HOMER2: variants seen among roughly 807,000 people sequenced by gnomAD.
HOMER2 encodes the protein homer scaffold protein 2.
In HOMER2, 27 loss-of-function variants were observed where a neutral mutation model predicts 47.0. The ratio of observed to expected loss-of-function variants is 0.57; its 90% CI spans 0.42 to 0.79. HOMER2 has a LOEUF of 0.79. Ranked by LOEUF, HOMER2 falls within the 30% of genes least tolerant of loss-of-function variation. The pLI, the probability that HOMER2 is intolerant of heterozygous loss-of-function variation, is 0.00. For synonymous variants in HOMER2, 161 were observed against 163.8 expected, an observed-to-expected ratio of 0.98 and a Z score of 0.13; for missense variants, 443 against 435.0, an observed-to-expected ratio of 1.02 and a Z score of -0.16.
At chr15:82,855,382 A>AGCT (rs1375490816) in intron 5 of HOMER2, among the ~76,000 whole-genome samples, 1 of 151,846 alleles carries the variant, frequency 6.6e-6, no homozygotes, top group Non-Finnish European at 1.5e-5. Context: ...GAAGAGACAA[A>AGCT]GCTAGGCATG....
chr15:82,873,415 A>T (rs1256447), intron 3 of HOMER2, among the ~76,000 whole-genome samples: 70,451 of 152,070 alleles, frequency 0.46, 16,429 homozygotes, highest in East Asian at 0.62. Flanking sequence ...ACTTCTCTGC[A>T]TATGAAGTGA....
intron 1 of HOMER2, among the ~76,000 whole-genome samples, chr15:82,976,642 A>G (rs992485580): frequency 6.8e-6 from 1 of 148,090 alleles, no homozygotes; most frequent in African/African-American, 2.5e-5. Context: ...GGTTGACTCT[A>G]CAATTAGTAC....
At chr15:82,874,598 G>T (rs1188376060) in intron 3 of HOMER2, among the ~76,000 whole-genome samples, 2 of 152,112 alleles carry the variant, frequency 1.3e-5, no homozygotes, top group Non-Finnish European at 2.9e-5. Flanking sequence ...TTGGAGAAGT[G>T]ACTTGGAGCT....
chr15:82,953,486 C>T (rs774291642), upstream of HOMER2, among the ~76,000 whole-genome samples: 5 of 152,158 alleles, frequency 3.3e-5, no homozygotes, highest in Non-Finnish European at 5.9e-5. Flanking sequence ...GGCACTGGGA[C>T]TAACCTAACC....
chr15:82,925,326 G>A (rs1344925409), intron 1 of HOMER2, among the ~76,000 whole-genome samples: 3 of 152,146 alleles, frequency 2.0e-5, no homozygotes, highest in Non-Finnish European at 4.4e-5. Flanking sequence ...GGCAGGACCT[G>A]GTGCCTCAAC....
chr15:82,860,962 A>T (rs1469566489), intron 4 of HOMER2, among the ~76,000 whole-genome samples: 1 of 146,288 alleles, frequency 6.8e-6, no homozygotes, highest in African/African-American at 2.6e-5. Context: ...AAGATGAGAG[A>T]GAGAGAGAGA....
chr15:82,968,393 T>G (rs1416061588), intron 1 of HOMER2, among the ~76,000 whole-genome samples: 1 of 152,262 alleles, frequency 6.6e-6, no homozygotes. Flanking sequence ...TCTGGATATT[T>G]CAAATACATT....
chr15:82,837,839 G>A (rs1440666081), exon 2 of HOMER2: 1 of 152,324 alleles, frequency 6.6e-6, no homozygotes, highest in Non-Finnish European at 1.5e-5. Flanking sequence ...CCCAGGGCCT[G>A]GGCATGAGGG....
chr15:82,868,523 T>TTTTATATATATATATATATATATATA lies in HOMER2; in HGVS notation c.295-4265_295-4264insTATATATATATATATATATATATAAA, dbSNP rs1453193520. Among the ~76,000 whole-genome samples, 19 of 36,628 alleles carry TTTTATATATATATATATATATATATA rather than the reference T, an allele frequency of 5.2e-4. 1 individual carries two copies. The highest frequency in any genetic ancestry group is 7.5e-4 in the Non-Finnish European group (16 of 21,466). 24.0% of individuals were successfully genotyped at this position (36,628 alleles called of 152,430 possible). On this transcript the variant is annotated intron_variant, in intron 3 of 8. Coordinates refer to ENST00000450735, the MANE Select transcript of HOMER2 (RefSeq NM_004839.4). ...AAGTTATATATATCACTTATTTATT[T>TTTTATATATATATATATATATATATA]TATATATATATATATATATTTTTTT...
chr15:82,859,073 G>A lies in HOMER2; in HGVS notation c.450C>T (p.His150=), dbSNP rs1051936. 6.2e-7 allele frequency: 1 copy of A among 1,613,992 alleles called. No homozygotes were observed. Among genetic ancestry groups the A allele is most frequent in the East Asian group, 2.2e-5 (1 of 44,890 alleles). ...TCAGCTTGTCATTCTCAGACTTCAG[G>A]TGTGTGTTGGCTGGACCGGCGTGAG... ...KASHAGPANT[H]LKSENDKLKI... is the part of the protein sequence containing the mutation. The change falls in exon 5 of 9, where the codon CAC becomes CAT. Residue 150 remains histidine (H), a synonymous_variant. Transcript: ENST00000450735.
chr15:82,906,704 G>C (rs144474096), intron 1 of HOMER2, among the ~76,000 whole-genome samples: 5,659 of 152,162 alleles, frequency 0.037, 342 homozygotes, highest in African/African-American at 0.13. Flanking sequence ...AAAGTGCTAG[G>C]ATTACAGGCG....
chr15:82,867,247 G>A (rs1211054899), intron 3 of HOMER2, among the ~76,000 whole-genome samples: 1 of 151,836 alleles, frequency 6.6e-6, no homozygotes, highest in Non-Finnish European at 1.5e-5. Flanking sequence ...AACTGAGCAT[G>A]TATCAAGCTT....
intron 1 of HOMER2, among the ~76,000 whole-genome samples, chr15:82,979,840 C>G (rs186310049): frequency 6.6e-6 from 1 of 152,186 alleles, no homozygotes; most frequent in East Asian, 1.9e-4. Flanking sequence ...GTTGCAGATG[C>G]CTGTTGGACA....
At chr15:82,928,708 G>C (rs2053918121) in intron 1 of HOMER2, among the ~76,000 whole-genome samples, 1 of 151,836 alleles carries the variant, frequency 6.6e-6, no homozygotes, top group Non-Finnish European at 1.5e-5. Flanking sequence ...ATTTTTGTAA[G>C]ATGCATAAAG....
intron 2 of HOMER2, 101 bp from the exon 3 acceptor site, chr15:82,875,505 TA>T: frequency 8.0e-7 from 1 of 1,254,176 alleles, no homozygotes; most frequent in Non-Finnish European, 1.1e-6. Flanking sequence ...TTCAAGCCTG[TA>T]TCCTCTGCCC....
chr15:82,850,879 G>A (rs2051368756), intron 8 of HOMER2, among the ~76,000 whole-genome samples: 2 of 152,086 alleles, frequency 1.3e-5, no homozygotes, highest in African/African-American at 4.8e-5. Context: ...CCCCCACCAG[G>A]GATCTGCAAG....
intron 1 of HOMER2, among the ~76,000 whole-genome samples, chr15:82,963,720 T>C (rs1363246272): frequency 5.3e-5 from 8 of 152,318 alleles, no homozygotes. Flanking sequence ...CTGACCTAGC[T>C]GCCTGGAGCT....
At chr15:82,846,312 C>G (rs1280411899), downstream of HOMER2, 1 of 152,208 alleles carries the variant, frequency 6.6e-6, no homozygotes, top group East Asian at 1.9e-4. Flanking sequence ...ATCATTTTAA[C>G]CAACTTTCTT....
exon 2 of HOMER2, chr15:82,840,788 A>G: frequency 7.6e-6 from 1 of 130,892 alleles, no homozygotes; most frequent in East Asian, 2.2e-4. Context: ...GTTTGAAGAA[A>G]ATAATGAGCA....
Sources: gnomAD v4.1 joint callset for allele counts (sites outside exome capture counted in the v4.1 genomes callset) on GRCh38, gnomAD v4.1.1 for gene constraint, MANE v1.5 for transcripts, NCBI Gene and HGNC (gene_info 2026-07-23, HGNC 2026-07-21) for gene names.